LMNTD1: variants seen among roughly 807,000 people sequenced by gnomAD.
LMNTD1 encodes the protein lamin tail domain containing 1.
LMNTD1 carries 35 observed loss-of-function variants against 50.9 expected under a neutral mutation model. The ratio of observed to expected loss-of-function variants is 0.69; its 90% CI spans 0.53 to 0.91. The LOEUF (loss-of-function observed/expected upper bound fraction) is 0.91. LMNTD1 is among the 40% of genes least tolerant of loss of function. The probability of loss-of-function intolerance (pLI) is 0.00; values close to 1 mark genes in which losing one functional copy is unlikely to be tolerated. For missense variants in LMNTD1, 470 were observed against 475.5 expected, an observed-to-expected ratio of 0.99 and a Z score of 0.11; for synonymous variants, 153 against 161.9, an observed-to-expected ratio of 0.94 and a Z score of 0.42.
rs554596344 is a variant in LMNTD1 at position 25,504,510 on chromosome 12, T to C, written c.1190-710A>G. ...CAAAGATGAGTGTTATTTTTATTCCTGTAAAACAAAAGAGAAGAAAACGAA... is the reference window on the plus strand; with the variant it reads ...CAAAGATGAGTGTTATTTTTATTCCCGTAAAACAAAAGAGAAGAAAACGAA... On this transcript the variant is annotated intron_variant, in intron 8 of 9. Coordinates refer to ENST00000458174, the MANE Select transcript of LMNTD1 (RefSeq NM_001145728.2). 5.3e-5 allele frequency among the ~76,000 whole-genome samples: 8 copies of C among 151,864 alleles called. No individual in the cohort carries two copies. The East Asian group carries it at 1.2e-3, about 22-fold the overall frequency.
At chr12:25,573,167 T>A (rs2136368319) in intron 1 of LMNTD1, among the ~76,000 whole-genome samples, 1 of 152,264 alleles carries the variant, frequency 6.6e-6, no homozygotes, top group Non-Finnish European at 1.5e-5. Context: ...TTTCTCTGTT[T>A]GTTTTCCTTT....
At chr12:25,533,625 C>T (rs1010593876) in intron 4 of LMNTD1, among the ~76,000 whole-genome samples, 2 of 152,054 alleles carry the variant, frequency 1.3e-5, no homozygotes, top group Admixed American at 1.3e-4. Context: ...TGAAAGGGTA[C>T]AGCATTTAAG....
chr12:25,477,997 G>T (rs10771220), intron 9 of LMNTD1, among the ~76,000 whole-genome samples: 1 of 151,754 alleles, frequency 6.6e-6, no homozygotes, highest in East Asian at 1.9e-4. Context: ...TAGGCTGGAA[G>T]GCTAGGCCAG....
chr12:25,574,262 T>C (rs1477097310), intron 1 of LMNTD1, among the ~76,000 whole-genome samples: 1 of 152,148 alleles, frequency 6.6e-6, no homozygotes, highest in Non-Finnish European at 1.5e-5. Context: ...AAACAAAATA[T>C]TCATTTTTAT....
chr12:25,592,449 T>C (rs1945728467), intron 1 of LMNTD1: 1 of 152,276 alleles, frequency 6.6e-6, no homozygotes, highest in Non-Finnish European at 1.5e-5. Context: ...ACACCCCCAC[T>C]AGGGAACCTG....
chr12:25,510,927 TAAA>T (rs1940226334), intron 8 of LMNTD1, among the ~76,000 whole-genome samples: 6 of 152,306 alleles, frequency 3.9e-5, no homozygotes, highest in African/African-American at 1.4e-4. Flanking sequence ...TACAGTGCAA[TAAA>T]TGCTTTGCTT....
rs1370708980 is a variant in LMNTD1, at chr12:25,535,568, G to T, written c.492-8613C>A. ...TGATAATGAGAACATCTTAAAAGCAGAATATTTGTGCAGAGGAGCAAATAC... is the reference window on the plus strand; with the variant it reads ...TGATAATGAGAACATCTTAAAAGCATAATATTTGTGCAGAGGAGCAAATAC... On this transcript the variant is annotated intron_variant, in intron 4 of 9. Coordinates refer to ENST00000458174, the MANE Select transcript of LMNTD1 (RefSeq NM_001145728.2). Among the ~76,000 whole-genome samples, 3 of 152,008 alleles carry T rather than the reference G, an allele frequency of 2.0e-5. No homozygotes were observed. The East Asian group carries it at 5.8e-4, about 29-fold the overall frequency.
At chr12:25,513,277 G>T (rs1940449844) in intron 8 of LMNTD1, among the ~76,000 whole-genome samples, 1 of 152,138 alleles carries the variant, frequency 6.6e-6, no homozygotes, top group South Asian at 2.1e-4. Flanking sequence ...AATAATGCAA[G>T]AACACGATAT....
intron 4 of LMNTD1, among the ~76,000 whole-genome samples, chr12:25,534,161 G>A (rs11048090): frequency 0.2 from 30,825 of 151,250 alleles, 3,903 homozygotes; most frequent in Middle Eastern, 0.31. Context: ...TTTTCCTTCT[G>A]CTGTCAGATA....
At chr12:25,581,878 T>C (rs576552412) in intron 1 of LMNTD1, among the ~76,000 whole-genome samples, 1 of 152,196 alleles carries the variant, frequency 6.6e-6, no homozygotes, top group East Asian at 1.9e-4. Flanking sequence ...TATCTAAACA[T>C]AGAAAGACTA....
intron 3 of LMNTD1, among the ~76,000 whole-genome samples, chr12:25,548,399 T>G (rs1426084952): frequency 6.6e-6 from 1 of 151,912 alleles, no homozygotes; most frequent in African/African-American, 2.4e-5. Flanking sequence ...TTGAAACTTG[T>G]TAGTTGATTG....
At chr12:25,502,388 A>G (rs549484602) in intron 9 of LMNTD1, among the ~76,000 whole-genome samples, 2 of 152,328 alleles carry the variant, frequency 1.3e-5, no homozygotes, top group East Asian at 3.9e-4. Context: ...TTGCATTTCA[A>G]TTGCACACTA....
rs796538314 is a variant in LMNTD1 at position 25,639,600 on chromosome 12, G to A, written c.58+8894C>T. ...GGAATGGAAATCAAAACCACAATAA[G>A]ATCCTGTTCTCAAACACTAGCCTGG... On this transcript the variant is annotated intron_variant, in intron 1 of 7. Coordinates refer to the LMNTD1 transcript ENST00000445693. Among the ~76,000 whole-genome samples the A allele has an allele frequency of 9.9e-5, 15 of 152,276 alleles. 1 individual carries two copies. The highest frequency in any genetic ancestry group is 6.8e-3 in the Middle Eastern group (2 of 294).
chr12:25,502,737 A>G (rs1183927184), intron 9 of LMNTD1, among the ~76,000 whole-genome samples: 1 of 152,206 alleles, frequency 6.6e-6, no homozygotes, highest in African/African-American at 2.4e-5. Flanking sequence ...GTTCAAGGAT[A>G]TGATGCTATA....
At chr12:25,491,492 T>C (rs1460489574) in intron 9 of LMNTD1, among the ~76,000 whole-genome samples, 2 of 152,096 alleles carry the variant, frequency 1.3e-5, no homozygotes, top group African/African-American at 2.4e-5. Context: ...CCTTGAGAAA[T>C]TGCTAGAGAT....
intron 1 of LMNTD1, among the ~76,000 whole-genome samples, chr12:25,615,578 C>T (rs542747322): frequency 1.3e-5 from 2 of 152,202 alleles, no homozygotes; most frequent in South Asian, 2.1e-4. Context: ...CCTCCTGCCT[C>T]AGCTTCCTCA....
intron 9 of LMNTD1, among the ~76,000 whole-genome samples, chr12:25,495,550 T>C (rs1034606149): frequency 6.6e-6 from 1 of 152,168 alleles, no homozygotes; most frequent in African/African-American, 2.4e-5. Flanking sequence ...ATAAAGCCCA[T>C]TGCTATCTAA....
intron 1 of LMNTD1, among the ~76,000 whole-genome samples, chr12:25,569,487 T>C (rs1416236277): frequency 6.6e-6 from 1 of 152,186 alleles, no homozygotes; most frequent in Non-Finnish European, 1.5e-5. Context: ...TTTGGGGGAC[T>C]GTTGGGAAGA....
chr12:25,494,302 A>C (rs1207922709), intron 9 of LMNTD1, among the ~76,000 whole-genome samples: 1 of 152,180 alleles, frequency 6.6e-6, no homozygotes, highest in Non-Finnish European at 1.5e-5. Context: ...TTATTTAGAG[A>C]AACTTTCCCC....
Sources: gnomAD v4.1 joint callset for allele counts (sites outside exome capture counted in the v4.1 genomes callset) on GRCh38, gnomAD v4.1.1 for gene constraint, MANE v1.5 for transcripts, NCBI Gene and HGNC (gene_info 2026-07-23, HGNC 2026-07-21) for gene names.